CNTNAP2: variants seen among roughly 807,000 people sequenced by gnomAD.
CNTNAP2 encodes contactin associated protein 2.
A neutral mutation model predicts 155.2 loss-of-function variants in CNTNAP2; 98 were observed. The ratio of observed to expected loss-of-function variants is 0.63; its 90% CI spans 0.54 to 0.75. The LOEUF (loss-of-function observed/expected upper bound fraction) is 0.75. CNTNAP2 is among the 30% of genes least tolerant of loss of function. The pLI, the probability that CNTNAP2 is intolerant of heterozygous loss-of-function variation, is 0.00. For synonymous variants in CNTNAP2, 651 were observed against 631.2 expected, an observed-to-expected ratio of 1.03 and a Z score of -0.47; for missense variants, 1,727 against 1,688.1, an observed-to-expected ratio of 1.02 and a Z score of -0.40.
intron 1 of CNTNAP2, among the ~76,000 whole-genome samples, chr7:146,728,630 A>G (rs1202477453): frequency 4.6e-5 from 7 of 151,970 alleles, no homozygotes; most frequent in Admixed American, 4.6e-4. Flanking sequence ...AAAAAACGAA[A>G]CAACAGCCTT....
rs555296102 is a variant in CNTNAP2, at chr7:148,045,660, C to A, written c.2383+67671C>A. On this transcript the variant is annotated intron_variant, in intron 15 of 23. Transcript: ENST00000361727. The stretch of plus-strand genomic sequence containing the variant: ...TTTCGCTACGCCTTAGGCAATGAAA[C>A]TTGGCTGCCTTCCAGTGAATATTTA... Among the ~76,000 whole-genome samples, 4 of 152,340 alleles carry A rather than the reference C, an allele frequency of 2.6e-5. No homozygotes were observed. In the South Asian group the frequency reaches 6.2e-4, roughly 24 times the overall value.
chr7:147,628,592 C>T (rs1795029456), intron 12 of CNTNAP2, among the ~76,000 whole-genome samples: 1 of 152,100 alleles, frequency 6.6e-6, no homozygotes, highest in Non-Finnish European at 1.5e-5. Context: ...AAGGCAACAA[C>T]TAGCATGATG....
chr7:147,095,525 A>G (rs999624098), intron 4 of CNTNAP2, among the ~76,000 whole-genome samples: 4 of 151,290 alleles, frequency 2.6e-5, no homozygotes, highest in East Asian at 1.9e-4. Context: ...TTATATATGT[A>G]TATATATATA....
In CNTNAP2 at chr7:146,145,004, T is replaced by C. The variant is rs188997344; in HGVS notation, c.97+28031T>C. Among the ~76,000 whole-genome samples, 34 of 152,254 alleles carry C rather than the reference T, an allele frequency of 2.2e-4. No homozygotes were observed. In the East Asian group the frequency reaches 5.2e-3, roughly 23 times the overall value. On this transcript the variant is annotated intron_variant, in intron 1 of 23. Transcript: ENST00000361727. Reference sequence around the variant, plus strand: ...TCATGGTGGGAGAGATGTAACTCAGTTGATGGATTTGATGAATTTTGTCCA... The same window carrying C: ...TCATGGTGGGAGAGATGTAACTCAGCTGATGGATTTGATGAATTTTGTCCA...
At position 147,935,378 on chromosome 7, in the gene CNTNAP2, G is replaced by GC. The variant is rs760200664; in HGVS notation, c.2255+31659dup. ...TTGACCTCATGATCTGCCCGCCTCAGCCTCCCGAAGTGCTGGGATTACAGG... is the reference window on the plus strand; with the variant it reads ...TTGACCTCATGATCTGCCCGCCTCAGCCCTCCCGAAGTGCTGGGATTACAGG... On this transcript the variant is annotated intron_variant, in intron 14 of 23. Transcript: ENST00000361727. Among the ~76,000 whole-genome samples, 278 of 152,312 alleles carry GC rather than the reference G, an allele frequency of 1.8e-3. 2 individuals carry two copies. The highest frequency in any genetic ancestry group is 3.3e-3 in the Admixed American group (50 of 15,296).
At chr7:146,474,006 C>T (rs575399312) in intron 1 of CNTNAP2, among the ~76,000 whole-genome samples, 5 of 152,106 alleles carry the variant, frequency 3.3e-5, no homozygotes, top group East Asian at 3.9e-4. Flanking sequence ...GGTGGATGGC[C>T]GAGGTCATTT....
At chr7:148,062,011 T>TGATAGAGAGAG (rs1554468163) in intron 15 of CNTNAP2, among the ~76,000 whole-genome samples, 145 of 84,162 alleles carry the variant, frequency 1.7e-3, no homozygotes, top group South Asian at 5.5e-3. Context: ...AGATAGATGA[T>TGATAGAGAGAG]AGAGAGAGAG....
At chr7:146,297,692 A>T (rs1800536074) in intron 1 of CNTNAP2, among the ~76,000 whole-genome samples, 1 of 152,160 alleles carries the variant, frequency 6.6e-6, no homozygotes, top group Admixed American at 6.5e-5. Context: ...TTTGAAATGT[A>T]TAGTAATTGG....
chr7:146,532,832 C>T (rs912540778), intron 1 of CNTNAP2, among the ~76,000 whole-genome samples: 1 of 151,988 alleles, frequency 6.6e-6, no homozygotes, highest in Non-Finnish European at 1.5e-5. Flanking sequence ...GGCCTGTAAT[C>T]CCAGCACTTT....
At position 146,537,892 on chromosome 7, in the gene CNTNAP2, A is replaced by G. The variant is rs564476785; in HGVS notation, c.98-236379A>G. ...GGTAGGTAGATTGAATGAAACTACA[A>G]TGGCTAGGTAAGTCTTTATAAGAAT... is the stretch of plus-strand genomic sequence containing the variant. On this transcript the variant is annotated intron_variant, in intron 1 of 23. Transcript: ENST00000361727. 5.9e-5 allele frequency among the ~76,000 whole-genome samples: 9 copies of G among 152,186 alleles called. No individual in the cohort carries two copies. The East Asian group carries it at 1.6e-3, about 26-fold the overall frequency.
At chr7:146,300,286 T>G (rs908089979) in intron 1 of CNTNAP2, among the ~76,000 whole-genome samples, 1 of 152,184 alleles carries the variant, frequency 6.6e-6, no homozygotes, top group African/African-American at 2.4e-5. Context: ...AATCGTGTCC[T>G]TAACTTAGTA....
intron 14 of CNTNAP2, among the ~76,000 whole-genome samples, chr7:147,924,428 C>G (rs1800346865): frequency 6.6e-6 from 1 of 152,102 alleles, no homozygotes; most frequent in Non-Finnish European, 1.5e-5. Flanking sequence ...TGTCAGCCAC[C>G]ATGCAAGCCC....
At chr7:147,529,542 T>C (rs185735607) in intron 11 of CNTNAP2, among the ~76,000 whole-genome samples, 121 of 149,056 alleles carry the variant, frequency 8.1e-4, no homozygotes, top group Middle Eastern at 3.4e-3. Context: ...ACAATGCTGT[T>C]TTTTTTTTGG....
chr7:147,628,036 T>A (rs1268947815), intron 12 of CNTNAP2, among the ~76,000 whole-genome samples: 1 of 151,766 alleles, frequency 6.6e-6, no homozygotes. Flanking sequence ...AGAAGAGAAA[T>A]TTAAAAGTTT....
intron 1 of CNTNAP2, among the ~76,000 whole-genome samples, chr7:146,398,767 A>T (rs1399581534): frequency 2.0e-5 from 3 of 151,950 alleles, no homozygotes; most frequent in African/African-American, 4.8e-5. Context: ...TTACTCTAAA[A>T]ATATATATAT....
rs1486985667 is a variant in CNTNAP2 at position 147,716,556 on chromosome 7, C to T, written c.2098+77250C>T. Among the ~76,000 whole-genome samples, 3 of 152,106 alleles carry T rather than the reference C, an allele frequency of 2.0e-5. No homozygotes were observed. The East Asian group carries it at 5.8e-4, about 29-fold the overall frequency. On this transcript the variant is annotated intron_variant, in intron 13 of 23. Transcript: ENST00000361727. ...AGCCATGTTGCCAATTTCTTTCTTTCTGTACATGTGCTAACCAAAAAGGGA... is the reference window on the plus strand; with the variant it reads ...AGCCATGTTGCCAATTTCTTTCTTTTTGTACATGTGCTAACCAAAAAGGGA...
chr7:147,040,013 A>G (rs528339405), intron 3 of CNTNAP2, among the ~76,000 whole-genome samples: 11 of 152,338 alleles, frequency 7.2e-5, no homozygotes, highest in African/African-American at 2.2e-4. Context: ...ACAGAGTATA[A>G]CAGACAATCT....
At chr7:147,813,317 C>A (rs1167410502) in intron 13 of CNTNAP2, among the ~76,000 whole-genome samples, 1 of 152,114 alleles carries the variant, frequency 6.6e-6, no homozygotes, top group Admixed American at 6.6e-5. Flanking sequence ...ATTCCCTTGG[C>A]AAGTCAATGG....
intron 3 of CNTNAP2, among the ~76,000 whole-genome samples, chr7:147,037,456 T>C (rs12155136): frequency 0.45 from 57,955 of 130,072 alleles, 11,799 homozygotes; most frequent in South Asian, 0.55. Flanking sequence ...TTTTTTTCCC[T>C]TTTTTTTTTT....
Sources: gnomAD v4.1 joint callset for allele counts (sites outside exome capture counted in the v4.1 genomes callset) on GRCh38, gnomAD v4.1.1 for gene constraint, MANE v1.5 for transcripts, NCBI Gene and HGNC (gene_info 2026-07-23, HGNC 2026-07-21) for gene names.